CFAP99: variants seen among roughly 807,000 people sequenced by gnomAD.
The protein encoded by CFAP99 is cilia and flagella associated protein 99, also known as cilia- and flagella-associated protein 99.
CFAP99 carries 84 observed loss-of-function variants against 82.7 expected under a neutral mutation model. That is an observed-to-expected ratio of 1.02 (90% CI 0.85 to 1.22). The LOEUF (loss-of-function observed/expected upper bound fraction) is 1.22. Among genes scored for constraint, CFAP99 ranks in the 50% most tolerant of loss-of-function variants. The pLI, the probability that CFAP99 is intolerant of heterozygous loss-of-function variation, is 0.00. For missense variants in CFAP99, 1,059 were observed against 983.5 expected, an observed-to-expected ratio of 1.08 and a Z score of -1.03; for synonymous variants, 456 against 429.5, an observed-to-expected ratio of 1.06 and a Z score of -0.76.
chr4:2,438,249 TG>T (rs1733961969), intron 4 of CFAP99, 85 bp downstream of exon 4: 3 of 809,228 alleles, frequency 3.7e-6, no homozygotes, highest in Non-Finnish European at 6.1e-6. Flanking sequence ...TCATTCTGGT[TG>T]GGTTGTTTTG....
intron 5 of CFAP99, among the ~76,000 whole-genome samples, chr4:2,444,010 A>G (rs994390588): frequency 1.3e-5 from 2 of 152,028 alleles, no homozygotes; most frequent in African/African-American, 4.8e-5. Context: ...CAAGCAGACC[A>G]CTTAGGTGCC....
At chr4:2,433,256 G>A (rs950262248) in intron 2 of CFAP99, among the ~76,000 whole-genome samples, 3 of 152,208 alleles carry the variant, frequency 2.0e-5, no homozygotes, top group Non-Finnish European at 2.9e-5. Context: ...AAACACAGAC[G>A]TCATTGATGA....
At chr4:2,439,405 T>C (rs1444970180) in intron 4 of CFAP99, among the ~76,000 whole-genome samples, 1 of 152,144 alleles carries the variant, frequency 6.6e-6, no homozygotes, top group Non-Finnish European at 1.5e-5. Context: ...GGCCCAGATC[T>C]TCGAGGTCTC....
chr4:2,454,581 C>CTTTTTTTTTTTGTTTTTTT (rs1734378524), intron 11 of CFAP99, among the ~76,000 whole-genome samples: 4 of 94,716 alleles, frequency 4.2e-5, no homozygotes, highest in Admixed American at 1.1e-4. Context: ...TGTTTTTTTT[C>CTTTTTTTTTTTGTTTTTTT]TTTTTTTTTT....
intron 11 of CFAP99, among the ~76,000 whole-genome samples, chr4:2,456,966 T>TG (rs1734451319): frequency 6.6e-6 from 1 of 150,398 alleles, no homozygotes; most frequent in African/African-American, 2.5e-5. Context: ...TTTTTTTTTT[T>TG]TTTTGAGATC....
rs1363241464 is a variant in CFAP99, at chr4:2,460,255, C to T, written c.1661+13C>T. ...CCGCAGCCTTGAGGTTGGTACTGGG[C>T]TCGGGGAGGGTGCCTCTGGGTGGAC... On this transcript the variant is annotated intron_variant, in intron 14 of 14. Transcript: ENST00000635017. The T allele has an allele frequency of 1.3e-6, 2 of 1,535,240 alleles. No homozygotes were observed. The highest frequency in any genetic ancestry group is 1.7e-6 in the Non-Finnish European group (2 of 1,146,182).
intron 5 of CFAP99, among the ~76,000 whole-genome samples, chr4:2,444,238 C>A (rs1216655836): frequency 2.6e-5 from 4 of 152,174 alleles, no homozygotes; most frequent in African/African-American, 9.7e-5. Context: ...TCAGGGGCCC[C>A]CATGGCCTGG....
Position 2,462,366 on chromosome 4 carries a change from T to C in CFAP99, c.1662-77T>C, listed in dbSNP as rs902216739. ...GCGTAGCTCCTTGCCCCCGCGTCGC[T>C]TGGACACGGGTGGCATCCTGGGTCT... is the stretch of plus-strand genomic sequence containing the variant. On this transcript the variant is annotated intron_variant, in intron 14 of 14. Transcript: ENST00000635017. The surrounding 1 kb of genome is among the most constrained non-coding windows in gnomAD (Gnocchi z 4.1). 5 of 1,325,080 alleles carry C rather than the reference T, an allele frequency of 3.8e-6. No individual in the cohort carries two copies. The highest frequency in any genetic ancestry group is 4.1e-5 in the Admixed American group (1 of 24,546). The allele number at this position is 1,325,080 out of a possible 1,614,324, so 82.1% of individuals were successfully genotyped here.
At chr4:2,450,289 G>A (rs1179836837) in intron 8 of CFAP99, 1 of 485,786 alleles carries the variant, frequency 2.1e-6, no homozygotes. Context: ...TCCGTGACAA[G>A]CATTTCATGT....
intron 8 of CFAP99, 72 bp from the exon 9 acceptor site, chr4:2,450,875 C>T: frequency 7.6e-7 from 1 of 1,314,562 alleles, no homozygotes; most frequent in Non-Finnish European, 1.1e-6. Flanking sequence ...GGCCAGCATC[C>T]ACCTGGTATG....
intron 2 of CFAP99, 32 bp from the exon 3 acceptor site, chr4:2,436,841 GC>G: frequency 6.6e-7 from 1 of 1,516,466 alleles, no homozygotes; most frequent in Non-Finnish European, 8.8e-7. Context: ...TCCCGGCCCA[GC>G]CAGGGCCCCC....
chr4:2,445,366 G>A (rs1246400962), intron 6 of CFAP99, 58 bp downstream of exon 6: 13 of 1,272,238 alleles, frequency 1.0e-5, no homozygotes, highest in Non-Finnish European at 1.1e-5. Flanking sequence ...AGCCAAGCTG[G>A]GAGAGTGGAC....
intron 2 of CFAP99, chr4:2,426,841 C>T: frequency 2.1e-6 from 1 of 484,256 alleles, no homozygotes; most frequent in Non-Finnish European, 3.8e-6. Context: ...CGGTTCCATC[C>T]TCAGTCAACA....
At chr4:2,439,193 C>G (rs1398602181) in intron 4 of CFAP99, among the ~76,000 whole-genome samples, 1 of 152,254 alleles carries the variant, frequency 6.6e-6, no homozygotes, top group Non-Finnish European at 1.5e-5. Context: ...GTTGCTCCTA[C>G]ATGGTACTCA....
In CFAP99 at chr4:2,448,020, A is replaced by AATGGATGGATGGATGG. The variant is rs145357095; in HGVS notation, c.643-1642_643-1627dup. On this transcript the variant is annotated intron_variant, in intron 6 of 14. Coordinates refer to ENST00000635017, the Ensembl canonical transcript of CFAP99. This position sits in a 1 kb window ranked among gnomAD's most constrained non-coding sequence, Gnocchi z 5.2. ...AAGTAGATGGATGGATAAGTGGATG[A>AATGGATGGATGGATGG]ATGGATGGATGGATGGATGGATGAT... Among the ~76,000 whole-genome samples, 9 of 141,786 alleles carry AATGGATGGATGGATGG rather than the reference A, an allele frequency of 6.3e-5. No individual in the cohort carries two copies. The highest frequency in any genetic ancestry group is 2.2e-4 in the African/African-American group (8 of 37,080). 93.0% of individuals were successfully genotyped at this position (141,786 alleles called of 152,430 possible). A position where few individuals can be genotyped will look rare whatever the true frequency, so the allele number is the denominator to read the frequency against.
At chr4:2,430,076 A>C (rs552035713) in intron 2 of CFAP99, among the ~76,000 whole-genome samples, 40 of 151,528 alleles carry the variant, frequency 2.6e-4, no homozygotes, top group African/African-American at 3.6e-4. Flanking sequence ...ACCAAACGGC[A>C]GACTGCGGAC....
chr4:2,442,177 G>A (rs2108724680), intron 4 of CFAP99, among the ~76,000 whole-genome samples: 1 of 152,270 alleles, frequency 6.6e-6, no homozygotes, highest in South Asian at 2.1e-4. Flanking sequence ...GATTGGGTGG[G>A]GGCAGGGACC....
Position 2,452,242 on chromosome 4 carries a change from G to A in CFAP99, c.1057G>A (p.Glu353Lys), listed in dbSNP as rs746023169. 8.5e-6 allele frequency: 13 copies of A among 1,536,000 alleles called. No individual in the cohort carries two copies. In the East Asian group the frequency reaches 1.2e-4, roughly 14 times the overall value. ...CCGGGAGGAGCAGCTGGCTGCAAGCGAGTGCCGGCGGTTGCAAGGGAAGCT... is the reference window on the plus strand; with the variant it reads ...CCGGGAGGAGCAGCTGGCTGCAAGCAAGTGCCGGCGGTTGCAAGGGAAGCT... Residue 353 changes from glutamate to lysine, a missense_variant, in exon 11 of 15, where the codon GAG becomes AAG. Glu to Lys is a moderately conservative substitution (Grantham distance 56). Transcript: ENST00000635017.
At chr4:2,451,469 C>T in intron 10 of CFAP99, 117 bp downstream of exon 10, 4 of 901,046 alleles carry the variant, frequency 4.4e-6, no homozygotes, top group African/African-American at 1.7e-5. Flanking sequence ...GGGGTCACAA[C>T]AGGCTGTGGT....
Sources: gnomAD v4.1 joint callset for allele counts (sites outside exome capture counted in the v4.1 genomes callset) on GRCh38, gnomAD v4.1.1 for gene constraint, Gnocchi (gnomAD v3.1) non-coding constraint, MANE v1.5 for transcripts, NCBI Gene and HGNC (gene_info 2026-07-23, HGNC 2026-07-21) for gene names.